The following GCNT1 variants were observed in gnomAD, a reference collection of about 807,000 sequenced individuals.
The protein encoded by GCNT1 is beta-1,3-galactosyl-O-glycosyl-glycoprotein beta-1,6-N-acetylglucosaminyltransferase.
In GCNT1, 16 loss-of-function variants were observed where a neutral mutation model predicts 26.2. That is an observed-to-expected ratio of 0.61 (90% CI 0.41 to 0.93). The LOEUF (loss-of-function observed/expected upper bound fraction) is 0.93, where lower values mean the gene tolerates loss of function less well. GCNT1 is among the 40% of genes least tolerant of loss of function. GCNT1 has a pLI of 0.00. For missense variants in GCNT1, 477 were observed against 526.7 expected (o/e 0.91, Z 0.92); for synonymous variants, 183 against 190.8 (o/e 0.96, Z 0.34).
chr9:76,494,769 G>A (rs1413363199), intron 2 of GCNT1, among the ~76,000 whole-genome samples: 1 of 152,160 alleles, frequency 6.6e-6, no homozygotes, highest in Non-Finnish European at 1.5e-5. Flanking sequence ...CAAGGGTCAG[G>A]ATAGATAGGA....
Position 76,503,120 on chromosome 9 carries a change from A to G in GCNT1, c.739A>G (p.Met247Val). Residue 247 changes from methionine (M) to valine (V), a missense_variant, in exon 4 of 4, where the codon ATG (methionine) becomes GTG (valine). Met to Val is a conservative substitution (Grantham distance 21, BLOSUM62 1). Coordinates refer to ENST00000376730, the MANE Select transcript of GCNT1 (RefSeq NM_001490.5). ...AGAAAACAACCTGGAAACGGAGAGGATGCCATCCCATAAAGAAGAAAGGTG... is the reference window on the plus strand; with the variant it reads ...AGAAAACAACCTGGAAACGGAGAGGGTGCCATCCCATAAAGAAGAAAGGTG... ...MGENNLETER[M>V]PSHKEERWKK... 1.2e-6 allele frequency: 2 copies of G among 1,614,170 alleles called. No individual in the cohort carries two copies. The highest frequency in any genetic ancestry group is 8.5e-7 in the Non-Finnish European group (1 of 1,180,028).
intron 2 of GCNT1, among the ~76,000 whole-genome samples, chr9:76,491,357 T>C (rs4606124): frequency 0.011 from 1,684 of 152,364 alleles, 28 homozygotes; most frequent in African/African-American, 0.038. Flanking sequence ...GCCACCTCTT[T>C]GGGTTTTTGC....
At chr9:76,488,132 C>A (rs72747364) in intron 2 of GCNT1, among the ~76,000 whole-genome samples, 3 of 152,092 alleles carry the variant, frequency 2.0e-5, no homozygotes, top group African/African-American at 7.2e-5. Flanking sequence ...TCCCCCCTCC[C>A]CTGAAAGTAT....
At chr9:76,409,445 T>C in the GCNT1 span, among the ~76,000 whole-genome samples, 8 of 152,258 alleles carry the variant, frequency 5.3e-5, no homozygotes, top group African/African-American at 1.9e-4. Context: ...ATTGATTTCT[T>C]TTTTGGACTG....
intron 2 of GCNT1, among the ~76,000 whole-genome samples, chr9:76,480,769 A>T (rs1824400575): frequency 6.6e-6 from 1 of 152,154 alleles, no homozygotes; most frequent in Admixed American, 6.5e-5. Flanking sequence ...ATTCTGTAGA[A>T]CTTTTCATGT....
intron 1 of GCNT1, among the ~76,000 whole-genome samples, chr9:76,445,772 C>T (rs1328787205): frequency 6.6e-6 from 1 of 151,520 alleles, no homozygotes; most frequent in Admixed American, 6.6e-5. Context: ...GTCAGGAGTT[C>T]GGGACCAGCC....
intron 2 of GCNT1, among the ~76,000 whole-genome samples, chr9:76,487,771 G>T (rs955161498): frequency 5.3e-5 from 8 of 152,092 alleles, no homozygotes; most frequent in Middle Eastern, 3.2e-3. Flanking sequence ...TCTCACTCCT[G>T]TTGCCTAGGC....
chr9:76,460,561 GC>G lies in GCNT1; in HGVS notation c.-290+390del, dbSNP rs1398929949. Among the ~76,000 whole-genome samples the G allele has an allele frequency of 2.6e-5, 4 of 152,268 alleles. No individual in the cohort carries two copies. The East Asian group carries it at 7.7e-4, about 29-fold the overall frequency. On this transcript the variant is annotated intron_variant, in intron 2 of 3. Coordinates refer to ENST00000376730, the MANE Select transcript of GCNT1 (RefSeq NM_001490.5). ...TAGGAGCTTAGGCAATTCCAGGCAG[GC>G]CCCCCTGCTGGAGGCTTTCGTAACA...
intron 2 of GCNT1, among the ~76,000 whole-genome samples, chr9:76,477,789 T>G (rs1301366587): frequency 6.6e-6 from 1 of 152,162 alleles, no homozygotes; most frequent in African/African-American, 2.4e-5. Context: ...AGCTCCCCAT[T>G]CTTCCCTCCC....
the GCNT1 span, among the ~76,000 whole-genome samples, chr9:76,396,813 G>A: frequency 6.6e-6 from 1 of 152,132 alleles, no homozygotes; most frequent in African/African-American, 2.4e-5. Context: ...CACTCCATAT[G>A]GGGCAACAGA....
chr9:76,454,532 C>T (rs1161256101), upstream of GCNT1, among the ~76,000 whole-genome samples: 4 of 151,290 alleles, frequency 2.6e-5, no homozygotes, highest in Non-Finnish European at 4.4e-5. Flanking sequence ...TATGGTTTGG[C>T]TGTGTTCCCA....
At chr9:76,413,998 A>G in the GCNT1 span, among the ~76,000 whole-genome samples, 2 of 152,200 alleles carry the variant, frequency 1.3e-5, no homozygotes, top group African/African-American at 2.4e-5. Context: ...TAATAAGCCC[A>G]TCAAAGGCAT....
chr9:76,443,876 G>GA (rs367635122), intron 1 of GCNT1, among the ~76,000 whole-genome samples: 1 of 54,372 alleles, frequency 1.8e-5, no homozygotes, highest in African/African-American at 7.3e-5. Flanking sequence ...TCTAAAAAAA[G>GA]GAAAGAAAGA....
intron 1 of GCNT1, among the ~76,000 whole-genome samples, chr9:76,445,198 G>T (rs975881946): frequency 6.6e-6 from 1 of 152,242 alleles, no homozygotes; most frequent in South Asian, 2.1e-4. Flanking sequence ...GAATTGCTCG[G>T]ATGATGTTCT....
chr9:76,471,579 CTT>C (rs1824133078), intron 2 of GCNT1, among the ~76,000 whole-genome samples: 1 of 152,010 alleles, frequency 6.6e-6, no homozygotes, highest in African/African-American at 2.4e-5. Context: ...TGGCAGAAAA[CTT>C]ATGAGTTCCC....
At chr9:76,480,899 C>T (rs901102407) in intron 2 of GCNT1, among the ~76,000 whole-genome samples, 1 of 151,746 alleles carries the variant, frequency 6.6e-6, no homozygotes, top group East Asian at 1.9e-4. Flanking sequence ...TGTATTTTAA[C>T]ATTTTTTATA....
At position 76,467,042 on chromosome 9, in the gene GCNT1, A is replaced by C. The variant is rs559532920; in HGVS notation, c.-290+6865A>C. Among the ~76,000 whole-genome samples, 1,392 of 148,310 alleles carry C rather than the reference A, an allele frequency of 9.4e-3. 16 individuals carry two copies. Among genetic ancestry groups the C allele is most frequent in the African/African-American group, 0.032 (1,306 of 40,558 alleles). The stretch of plus-strand genomic sequence containing the variant: ...ACTAAAGGCAGTAAATGCTCAGCTG[A>C]TCTTTTTTTTTTTTCTTTGAGATGG... On this transcript the variant is annotated intron_variant, in intron 2 of 3. Transcript: ENST00000376730.
intron 1 of GCNT1, among the ~76,000 whole-genome samples, chr9:76,429,858 G>A (rs185841569): frequency 1.5e-3 from 235 of 151,822 alleles, no homozygotes; most frequent in Non-Finnish European, 2.1e-3. Context: ...GGGACTACAC[G>A]CACCCGCCAC....
intron 1 of GCNT1, among the ~76,000 whole-genome samples, chr9:76,425,050 A>T (rs1252731002): frequency 6.7e-6 from 1 of 149,616 alleles, no homozygotes; most frequent in Non-Finnish European, 1.5e-5. Context: ...GAGGCAGGAG[A>T]ATGGCGTGAA....
Sources: gnomAD v4.1 joint callset for allele counts (sites outside exome capture counted in the v4.1 genomes callset) on GRCh38, gnomAD v4.1.1 for gene constraint, MANE v1.5 for transcripts, NCBI Gene and HGNC (gene_info 2026-07-23, HGNC 2026-07-21) for gene names.